Variants in SLC39A11 observed in about 807,000 individuals in gnomAD.
SLC39A11 encodes solute carrier family 39 member 11.
A neutral mutation model predicts 36.1 loss-of-function variants in SLC39A11; 33 were observed. That is an observed-to-expected ratio of 0.91 (90% CI 0.69 to 1.22). The LOEUF is 1.22. Ranked by LOEUF, SLC39A11 falls within the 50% of genes most tolerant of loss-of-function variation. The pLI, the probability that SLC39A11 is intolerant of heterozygous loss-of-function variation, is 0.00. For synonymous variants in SLC39A11, 166 were observed against 170.3 expected (o/e 0.97, Z 0.20); for missense variants, 432 against 430.3 (o/e 1.00, Z -0.03).
chr17:72,925,726 A>T (rs1173544560), intron 5 of SLC39A11, among the ~76,000 whole-genome samples: 1 of 152,236 alleles, frequency 6.6e-6, no homozygotes, highest in Non-Finnish European at 1.5e-5. Context: ...TGAACACTCC[A>T]CATCCAAGCA....
intron 4 of SLC39A11, among the ~76,000 whole-genome samples, chr17:72,966,845 A>G (rs1296332783): frequency 6.6e-6 from 1 of 152,190 alleles, no homozygotes; most frequent in African/African-American, 2.4e-5. Flanking sequence ...CTGGGATTAC[A>G]GGCGTCAGCC....
intron 4 of SLC39A11, among the ~76,000 whole-genome samples, chr17:73,030,809 C>T (rs1465879928): frequency 1.3e-5 from 2 of 152,174 alleles, no homozygotes; most frequent in Non-Finnish European, 1.5e-5. Flanking sequence ...GTTCCCATCG[C>T]ATGACCTGGC....
At chr17:72,693,284 C>T (rs1238713239) in intron 7 of SLC39A11, among the ~76,000 whole-genome samples, 2 of 113,616 alleles carry the variant, frequency 1.8e-5, no homozygotes, top group African/African-American at 5.1e-5. Context: ...GGTGCCCCCA[C>T]TTCTACAAAG....
chr17:72,912,285 A>G (rs2083054163), intron 5 of SLC39A11, among the ~76,000 whole-genome samples: 1 of 151,914 alleles, frequency 6.6e-6, no homozygotes, highest in African/African-American at 2.4e-5. Flanking sequence ...TCTACAGAGG[A>G]CCTAGTGCAG....
intron 6 of SLC39A11, among the ~76,000 whole-genome samples, chr17:72,752,493 C>T (rs2144351178): frequency 6.6e-6 from 1 of 152,258 alleles, no homozygotes; most frequent in South Asian, 2.1e-4. Context: ...GATCTGCCTG[C>T]CTCAGCCTCC....
chr17:72,976,242 A>AAGT (rs1412640842), intron 4 of SLC39A11, among the ~76,000 whole-genome samples: 1 of 151,692 alleles, frequency 6.6e-6, no homozygotes. Flanking sequence ...TGAATTTTTA[A>AAGT]ATTATTATTA....
chr17:72,826,205 G>A (rs1301879762), intron 6 of SLC39A11, among the ~76,000 whole-genome samples: 2 of 152,142 alleles, frequency 1.3e-5, no homozygotes, highest in Non-Finnish European at 2.9e-5. Flanking sequence ...ATGTTCTCAT[G>A]AGACCTGGTT....
At chr17:72,755,864 T>C (rs1014428003) in intron 6 of SLC39A11, among the ~76,000 whole-genome samples, 1 of 152,192 alleles carries the variant, frequency 6.6e-6, no homozygotes, top group Non-Finnish European at 1.5e-5. Flanking sequence ...CTGTGATTTC[T>C]GGGAGGGAGA....
chr17:72,758,503 A>G (rs866882409), intron 6 of SLC39A11, among the ~76,000 whole-genome samples: 2 of 152,198 alleles, frequency 1.3e-5, no homozygotes, highest in Non-Finnish European at 2.9e-5. Context: ...GCCCATTGTC[A>G]TAGTTCAGGC....
chr17:72,789,146 T>A (rs2076614424), intron 6 of SLC39A11, among the ~76,000 whole-genome samples: 1 of 151,962 alleles, frequency 6.6e-6, no homozygotes, highest in African/African-American at 2.4e-5. Context: ...GCGATTCTCC[T>A]GCGTCAGCCT....
chr17:73,048,458 T>C (rs1405630951), intron 3 of SLC39A11, among the ~76,000 whole-genome samples: 1 of 152,220 alleles, frequency 6.6e-6, no homozygotes, highest in Non-Finnish European at 1.5e-5. Flanking sequence ...CTAGGTTGAC[T>C]GCATGTCTTT....
At chr17:72,990,717 C>T (rs560856150) in intron 4 of SLC39A11, among the ~76,000 whole-genome samples, 1 of 152,200 alleles carries the variant, frequency 6.6e-6, no homozygotes, top group South Asian at 2.1e-4. Context: ...CGTGAAGAAC[C>T]GTGCCTGTCC....
chr17:72,786,192 G>A (rs187737082), intron 6 of SLC39A11, among the ~76,000 whole-genome samples: 161 of 152,336 alleles, frequency 1.1e-3, no homozygotes, highest in Admixed American at 2.6e-3. Context: ...GCTGGAATCT[G>A]ATGGAAACAT....
chr17:73,035,750 G>C (rs964895560), intron 3 of SLC39A11, among the ~76,000 whole-genome samples: 4 of 150,542 alleles, frequency 2.7e-5, no homozygotes, highest in African/African-American at 9.8e-5. Context: ...TGTAATCCCA[G>C]CTACTCAGGA....
chr17:72,733,683 T>C (rs1262058829), intron 7 of SLC39A11, among the ~76,000 whole-genome samples: 1 of 152,188 alleles, frequency 6.6e-6, no homozygotes, highest in African/African-American at 2.4e-5. Context: ...GCCTGTTCAC[T>C]TTCTACTTTC....
chr17:72,917,509 G>A (rs17780850), intron 5 of SLC39A11, among the ~76,000 whole-genome samples: 42,443 of 152,026 alleles, frequency 0.28, 6,970 homozygotes, highest in East Asian at 0.75. Flanking sequence ...TCTCAACAGA[G>A]CAGCTAACAG....
chr17:73,058,667 G>A, intron 3 of SLC39A11, among the ~76,000 whole-genome samples: 1 of 152,172 alleles, frequency 6.6e-6, no homozygotes, highest in East Asian at 1.9e-4. Flanking sequence ...AGGTTGCAGT[G>A]AGTCGAGATC....
chr17:72,923,348 A>G (rs1340557581), intron 5 of SLC39A11, among the ~76,000 whole-genome samples: 2 of 152,168 alleles, frequency 1.3e-5, no homozygotes, highest in Non-Finnish European at 2.9e-5. Flanking sequence ...GCCAATGTGG[A>G]CTGGCCCTGA....
intron 4 of SLC39A11, among the ~76,000 whole-genome samples, chr17:72,957,336 C>T (rs1301784423): frequency 6.6e-6 from 1 of 152,154 alleles, no homozygotes; most frequent in Non-Finnish European, 1.5e-5. Flanking sequence ...AGTACATATG[C>T]ACAGACATAC....
Sources: allele counts gnomAD v4.1 joint callset (sites outside exome capture counted in the v4.1 genomes callset), GRCh38; gene constraint gnomAD v4.1.1; transcripts MANE v1.5; gene names NCBI Gene and HGNC (gene_info 2026-07-23, HGNC 2026-07-21).